VPS13B: variants seen among roughly 807,000 people sequenced by gnomAD.
The protein encoded by VPS13B is intermembrane lipid transfer protein VPS13B.
A neutral mutation model predicts 426.4 loss-of-function variants in VPS13B; 285 were observed. That is an observed-to-expected ratio of 0.67 (90% CI 0.61 to 0.74). The LOEUF (loss-of-function observed/expected upper bound fraction) is 0.74. Ranked by LOEUF, VPS13B falls within the 30% of genes least tolerant of loss-of-function variation. The probability of loss-of-function intolerance (pLI) is 0.00; values close to 1 mark genes in which losing one functional copy is unlikely to be tolerated. For synonymous variants in VPS13B, 1,676 were observed against 1,676.4 expected (o/e 1.00, Z 0.01); for missense variants, 4,537 against 4,782.6 (o/e 0.95, Z 1.51).
intron 25 of VPS13B, among the ~76,000 whole-genome samples, chr8:99,499,097 T>C (rs1425943934): frequency 6.6e-6 from 1 of 152,144 alleles, no homozygotes; most frequent in Non-Finnish European, 1.5e-5. Context: ...AACTTAGCAT[T>C]TGGTCAATTT....
At chr8:99,294,463 C>T (rs537691346) in intron 19 of VPS13B, among the ~76,000 whole-genome samples, 43 of 146,944 alleles carry the variant, frequency 2.9e-4, no homozygotes, top group African/African-American at 9.8e-4. Flanking sequence ...GTGGGTGCAG[C>T]GCACCAGCAT....
chr8:99,742,593 C>T (rs1383307980), intron 39 of VPS13B, among the ~76,000 whole-genome samples: 3 of 152,162 alleles, frequency 2.0e-5, no homozygotes, highest in Non-Finnish European at 4.4e-5. Flanking sequence ...ACTGGCAAAC[C>T]GTATCCAGCA....
At chr8:99,778,322 C>T (rs1811843941) in intron 41 of VPS13B, among the ~76,000 whole-genome samples, 1 of 151,504 alleles carries the variant, frequency 6.6e-6, no homozygotes, top group South Asian at 2.1e-4. Flanking sequence ...CTCTTTGAGT[C>T]ATGTTTTTGT....
intron 17 of VPS13B, among the ~76,000 whole-genome samples, chr8:99,270,159 A>T (rs1434431298): frequency 0.023 from 40 of 1,750 alleles, no homozygotes; most frequent in African/African-American, 0.035. Context: ...TTTTTTTTTG[A>T]GACAGAGTCT....
chr8:99,655,736 G>T (rs967790468), intron 34 of VPS13B, among the ~76,000 whole-genome samples: 9 of 152,064 alleles, frequency 5.9e-5, no homozygotes, highest in African/African-American at 2.2e-4. Flanking sequence ...AGCATAAAAG[G>T]TTAAAAAGAA....
intron 2 of VPS13B, among the ~76,000 whole-genome samples, chr8:99,018,117 C>G (rs757961369): frequency 1.3e-5 from 2 of 152,110 alleles, no homozygotes; most frequent in Non-Finnish European, 2.9e-5. Context: ...TGTGGTGGCT[C>G]TTGCCTGTAA....
rs1361356353 is a variant in VPS13B at position 99,511,448 on chromosome 8, T to A, written c.4569T>A (p.Tyr1523Ter). The change falls in exon 29 of 62, where the codon TAT (tyrosine) becomes TAA (stop). Residue 1523 changes from tyrosine (Y) to a stop codon, truncating the protein, a stop_gained. Transcript: ENST00000357162. LOFTEE classifies it high-confidence loss of function. The part of the protein sequence containing the change: ...TLTSRNLPLI[Y>*]VNTSVIRIFI... ...CATCCCGCAATTTACCTTTGATTTA[T>A]GTCAACACAAGTGTAATCAGAATTT... 8 of 1,613,468 alleles carry A rather than the reference T, an allele frequency of 5.0e-6. No individual in the cohort carries two copies. The highest frequency in any genetic ancestry group is 6.8e-6 in the Non-Finnish European group (8 of 1,179,942).
At chr8:99,165,266 T>A (rs530964089) in intron 15 of VPS13B, among the ~76,000 whole-genome samples, 1 of 152,342 alleles carries the variant, frequency 6.6e-6, no homozygotes, top group South Asian at 2.1e-4. Flanking sequence ...GTACAATAGA[T>A]CTTTTAAATT....
intron 33 of VPS13B, among the ~76,000 whole-genome samples, chr8:99,629,008 C>T (rs1461788667): frequency 6.6e-6 from 1 of 152,142 alleles, no homozygotes; most frequent in Non-Finnish European, 1.5e-5. Flanking sequence ...AGGAAGTCCT[C>T]CCATGTCAGC....
At chr8:99,351,830 T>C (rs777990807) in intron 19 of VPS13B, among the ~76,000 whole-genome samples, 1 of 152,170 alleles carries the variant, frequency 6.6e-6, no homozygotes, top group East Asian at 1.9e-4. Context: ...TTATGAGTTC[T>C]GTTAGGATGG....
In VPS13B at chr8:99,209,291, AC is replaced by A. The variant is rs201786882; in HGVS notation, c.2515+16235del. On this transcript the variant is annotated intron_variant, in intron 17 of 61. Transcript: ENST00000357162. The stretch of plus-strand genomic sequence containing the variant: ...ACTGAGGCTCCATCTCAAAAAAAAA[AC>A]AAAACAAAAAACAAAACCGAAATAA... Among the ~76,000 whole-genome samples the A allele has an allele frequency of 0.052, 7,742 of 148,212 alleles. 229 individuals carry two copies. Among genetic ancestry groups the A allele is most frequent in the African/African-American group, 0.074 (3,007 of 40,554 alleles).
intron 39 of VPS13B, among the ~76,000 whole-genome samples, chr8:99,742,674 C>T (rs1428107776): frequency 9.9e-5 from 15 of 152,198 alleles, no homozygotes; most frequent in Non-Finnish European, 1.8e-4. Flanking sequence ...GTTCAACATA[C>T]GCAAATCAAT....
At chr8:99,260,169 C>G (rs1817969497) in intron 17 of VPS13B, among the ~76,000 whole-genome samples, 1 of 151,954 alleles carries the variant, frequency 6.6e-6, no homozygotes. Context: ...AGAAGTTTCC[C>G]AGAATGCAAC....
chr8:99,176,981 T>G (rs1283649048), intron 16 of VPS13B, among the ~76,000 whole-genome samples: 1 of 152,130 alleles, frequency 6.6e-6, no homozygotes. Flanking sequence ...AGCAGATGAG[T>G]TTCCTAGGTG....
chr8:99,372,952 G>T (rs1377374709), intron 19 of VPS13B, among the ~76,000 whole-genome samples: 2 of 152,102 alleles, frequency 1.3e-5, no homozygotes, highest in African/African-American at 4.8e-5. Flanking sequence ...AAGAAAATGT[G>T]GCCCATATCC....
intron 3 of VPS13B, among the ~76,000 whole-genome samples, chr8:99,095,580 A>T (rs961401625): frequency 8.5e-5 from 13 of 152,214 alleles, no homozygotes; most frequent in African/African-American, 3.1e-4. Flanking sequence ...TGTTCGATAG[A>T]TTCTGAAGTC....
In VPS13B at chr8:99,431,532, C is replaced by T. The variant is rs1427967091; in HGVS notation, c.3083-5C>T. On this transcript the variant is annotated splice_region_variant and splice_polypyrimidine_tract_variant and intron_variant, in intron 21 of 61. Coordinates refer to ENST00000357162, the MANE Select transcript of VPS13B (RefSeq NM_152564.5). ...TATTAAATAATTAGCTATTCTCGTA[C>T]TCAGAATCCCGCCCATTGTCAGTTC... The T allele has an allele frequency of 6.2e-7, 1 of 1,612,994 alleles. No individual in the cohort carries two copies. The highest frequency in any genetic ancestry group is 1.3e-5 in the African/African-American group (1 of 74,904).
At chr8:99,210,077 T>G (rs902831499) in intron 17 of VPS13B, among the ~76,000 whole-genome samples, 8 of 152,218 alleles carry the variant, frequency 5.3e-5, no homozygotes, top group African/African-American at 1.7e-4. Context: ...GTGCTAAATA[T>G]ATTCTGAAGA....
intron 16 of VPS13B, among the ~76,000 whole-genome samples, chr8:99,191,978 G>A (rs1377740609): frequency 6.6e-6 from 1 of 152,030 alleles, no homozygotes; most frequent in East Asian, 1.9e-4. Flanking sequence ...AATGGTGGAG[G>A]GTTTGTGGGG....
Sources: gnomAD v4.1 joint callset for allele counts (sites outside exome capture counted in the v4.1 genomes callset) on GRCh38, gnomAD v4.1.1 for gene constraint, MANE v1.5 for transcripts, NCBI Gene and HGNC (gene_info 2026-07-23, HGNC 2026-07-21) for gene names.